Variants in BMPR2 observed in about 807,000 individuals in gnomAD.
The protein encoded by BMPR2 is bone morphogenetic protein receptor type-2.
In BMPR2, 29 loss-of-function variants were observed where a neutral mutation model predicts 100.8. The ratio of observed to expected loss-of-function variants is 0.29; its 90% CI spans 0.21 to 0.39. The LOEUF (loss-of-function observed/expected upper bound fraction) is 0.39. BMPR2 is among the 10% of genes least tolerant of loss of function. The probability of loss-of-function intolerance (pLI) is 1.00; values close to 1 mark genes in which losing one functional copy is unlikely to be tolerated. For synonymous variants in BMPR2, 382 were observed against 442.3 expected, an observed-to-expected ratio of 0.86 and a Z score of 1.71; for missense variants, 1,011 against 1,274.5, an observed-to-expected ratio of 0.79 and a Z score of 3.15.
chr2:202,546,565 A>G (rs1446923230), intron 10 of BMPR2, among the ~76,000 whole-genome samples: 3 of 152,150 alleles, frequency 2.0e-5, no homozygotes, highest in Non-Finnish European at 4.4e-5. Flanking sequence ...GTAAAAATGA[A>G]CTACTTTAAC....
At chr2:202,463,863 G>T (rs908854321) in intron 1 of BMPR2, among the ~76,000 whole-genome samples, 6 of 151,804 alleles carry the variant, frequency 4.0e-5, no homozygotes, top group African/African-American at 1.4e-4. Context: ...TTGAATAACA[G>T]AAAGTAATTT....
intron 1 of BMPR2, among the ~76,000 whole-genome samples, chr2:202,385,523 G>A (rs1690409427): frequency 6.6e-6 from 1 of 151,438 alleles, no homozygotes; most frequent in Non-Finnish European, 1.5e-5. Flanking sequence ...GCGCCACCAT[G>A]TCCGGCTAGT....
chr2:202,514,742 T>G, intron 4 of BMPR2, 146 bp from the exon 5 acceptor site: 1 of 681,598 alleles, frequency 1.5e-6, no homozygotes, highest in South Asian at 1.8e-5. Flanking sequence ...GTTTAGTAAA[T>G]AGCTTTACTC....
At chr2:202,436,421 GAT>G (rs1691616055) in intron 1 of BMPR2, among the ~76,000 whole-genome samples, 1 of 149,854 alleles carries the variant, frequency 6.7e-6, no homozygotes, top group Non-Finnish European at 1.5e-5. Flanking sequence ...ACTCCAGCCT[GAT>G]GGATAGAGTG....
intron 2 of BMPR2, chr2:202,467,157 G>C: frequency 3.3e-6 from 1 of 304,196 alleles, no homozygotes; most frequent in South Asian, 3.1e-5. Context: ...CAGCTACTCG[G>C]GAGGCTAAGG....
chr2:202,518,702 G>A (rs1161301263), intron 5 of BMPR2, 120 bp from the exon 6 acceptor site: 5 of 869,192 alleles, frequency 5.8e-6, no homozygotes, highest in African/African-American at 5.0e-5. Flanking sequence ...TCTTGATAAT[G>A]GAATAAACTG....
intron 11 of BMPR2, among the ~76,000 whole-genome samples, chr2:202,554,648 T>G (rs1688531817): frequency 6.6e-6 from 1 of 152,184 alleles, no homozygotes. Context: ...GATCCTTTAT[T>G]TGAACATCAT....
rs540573786 is a variant in BMPR2, at chr2:202,513,601, C to G, written c.419-118C>G. ...ATTTTTTCTTTCATTTCCTTTGATG[C>G]AAAAACATTACTAATTTGATTATAC... On this transcript the variant is annotated intron_variant, in intron 3 of 12. Coordinates refer to ENST00000374580, the MANE Select transcript of BMPR2 (RefSeq NM_001204.7). 4.1e-4 allele frequency: 278 copies of G among 672,424 alleles called. 1 individual carries two copies. In the African/African-American group the frequency reaches 4.5e-3, roughly 11 times the overall value. 41.7% of individuals were successfully genotyped at this position (672,424 alleles called of 1,614,324 possible).
Position 202,560,555 on chromosome 2 carries a change from A to G in BMPR2, c.*609A>G, listed in dbSNP as rs1688662498. The G allele has an allele frequency of 6.5e-6, 1 of 154,934 alleles. No individual in the cohort carries two copies. Among genetic ancestry groups the G allele is most frequent in the African/African-American group, 2.4e-5 (1 of 41,446 alleles). 9.6% of individuals were successfully genotyped at this position (154,934 alleles called of 1,614,324 possible). ...TAAACACTTTTCTGCCCCATCTCCC[A>G]TACTTTTGAAGGTCAGTTCTATGAC... On this transcript the variant is annotated 3_prime_UTR_variant, in exon 13 of 13. Transcript: ENST00000374580.
intron 1 of BMPR2, among the ~76,000 whole-genome samples, chr2:202,450,187 C>T (rs923567418): frequency 6.6e-6 from 1 of 152,130 alleles, no homozygotes; most frequent in South Asian, 2.1e-4. Flanking sequence ...CTGTGGGTCT[C>T]AGGGATCCCC....
chr2:202,478,991 C>T (rs948721767), intron 3 of BMPR2, among the ~76,000 whole-genome samples: 2 of 152,128 alleles, frequency 1.3e-5, no homozygotes, highest in Non-Finnish European at 2.9e-5. Context: ...TAGGCAGCTT[C>T]TGACATGGTT....
chr2:202,474,274 C>T (rs1192319929), intron 3 of BMPR2, among the ~76,000 whole-genome samples: 5 of 151,232 alleles, frequency 3.3e-5, no homozygotes, highest in African/African-American at 1.2e-4. Flanking sequence ...GCCTATATGA[C>T]GAAACCCCAT....
intron 1 of BMPR2, among the ~76,000 whole-genome samples, chr2:202,462,324 G>A (rs1372829318): frequency 4.0e-5 from 6 of 150,146 alleles, no homozygotes; most frequent in African/African-American, 1.5e-4. Flanking sequence ...GGATTCAACT[G>A]ATTCTCCTGC....
chr2:202,437,079 C>T (rs930662423), intron 1 of BMPR2, among the ~76,000 whole-genome samples: 17 of 150,430 alleles, frequency 1.1e-4, no homozygotes, highest in Non-Finnish European at 1.5e-4. Flanking sequence ...GATCTCGGCT[C>T]ACTGCAACCT....
chr2:202,449,040 G>T (rs1290347510), intron 1 of BMPR2, among the ~76,000 whole-genome samples: 1 of 151,642 alleles, frequency 6.6e-6, no homozygotes, highest in African/African-American at 2.4e-5. Flanking sequence ...GGCCTGGGGT[G>T]GGGGTGGCAG....
Position 202,377,275 on chromosome 2 carries a change from A to C in BMPR2, c.-200A>C. The C allele has an allele frequency of 1.6e-6, 1 of 643,816 alleles. No homozygotes were observed. The allele number at this position is 643,816 out of a possible 1,614,324, so 39.9% of individuals were successfully genotyped here. ...GAAGGAACCCCCCCAGCCGCGAGGG[A>C]GAGAAATGAAGGGAATTTCTGCAGC... On this transcript the variant is annotated 5_prime_UTR_variant, in exon 1 of 13. Transcript: ENST00000374580.
intron 3 of BMPR2, among the ~76,000 whole-genome samples, chr2:202,496,980 G>A (rs572691840): frequency 6.6e-6 from 1 of 152,374 alleles, no homozygotes; most frequent in South Asian, 2.1e-4. Context: ...GGTGGGCATG[G>A]GCTTGGCGGG....
intron 1 of BMPR2, among the ~76,000 whole-genome samples, chr2:202,455,861 C>T (rs1183472399): frequency 1.3e-5 from 2 of 151,358 alleles, no homozygotes; most frequent in Non-Finnish European, 2.9e-5. Flanking sequence ...GTCAGGAGAT[C>T]GAGACCATTC....
chr2:202,388,413 A>C (rs944759979), intron 1 of BMPR2, among the ~76,000 whole-genome samples: 7 of 150,342 alleles, frequency 4.7e-5, no homozygotes, highest in Non-Finnish European at 8.9e-5. Context: ...AAAAAAAAAA[A>C]AAAAAAACAT....
Sources: allele counts gnomAD v4.1 joint callset (sites outside exome capture counted in the v4.1 genomes callset), GRCh38; gene constraint gnomAD v4.1.1; transcripts MANE v1.5; gene names NCBI Gene and HGNC (gene_info 2026-07-23, HGNC 2026-07-21).